The following GPR162 variants were observed in gnomAD, a reference collection of about 807,000 sequenced individuals.
GPR162 encodes probable G protein-coupled receptor 162.
Under a neutral mutation model 44.9 loss-of-function variants are expected in GPR162, and 26 were observed. The observed-to-expected ratio is 0.58, with a 90% CI of 0.42 to 0.80. The LOEUF (loss-of-function observed/expected upper bound fraction) is 0.80, where lower values mean the gene tolerates loss of function less well. Ranked by LOEUF, GPR162 falls within the 30% of genes least tolerant of loss-of-function variation. The pLI, the probability that GPR162 is intolerant of heterozygous loss-of-function variation, is 0.00. For missense variants in GPR162, 704 were observed against 802.3 expected (o/e 0.88, Z 1.48); for synonymous variants, 363 against 335.2 (o/e 1.08, Z -0.91).
At position 6,823,608 on chromosome 12, in the gene GPR162, A is replaced by C; in HGVS notation, c.-291A>C. 1 of 618,712 alleles carries C rather than the reference A, an allele frequency of 1.6e-6. No individual in the cohort carries two copies. The highest frequency in any genetic ancestry group is 1.8e-5 in the African/African-American group (1 of 54,244). 38.3% of individuals were successfully genotyped at this position (618,712 alleles called of 1,614,324 possible). On this transcript the variant is annotated 5_prime_UTR_variant, in exon 2 of 5. Transcript: ENST00000311268. ...CCCCAGCCAGCCTCATAGTTGGGAAAGTAGCCAGCTTGCCTGCCCCATCAA... is the reference window on the plus strand; with the variant it reads ...CCCCAGCCAGCCTCATAGTTGGGAACGTAGCCAGCTTGCCTGCCCCATCAA...
At chr12:6,825,240 C>A (rs1213496391) in intron 2 of GPR162, 2 of 582,438 alleles carry the variant, frequency 3.4e-6, no homozygotes, top group East Asian at 5.7e-5. Context: ...TCTACGGTTC[C>A]TGGTCCACCT....
Position 6,824,414 on chromosome 12 carries a change from C to T in GPR162, c.516C>T (p.Val172=). Residue 172 remains valine (V), a synonymous_variant, in exon 2 of 5, where the codon GTC becomes GTT. Coordinates refer to ENST00000311268, the MANE Select transcript of GPR162 (RefSeq NM_019858.2). The stretch of plus-strand genomic sequence containing the variant: ...ATGCCCGCGGCTGCCAGTTCATAGT[C>T]TCCAAGATCGGCCTCGGCTTTGGCG... ...RYYARGCQFI[V]SKIGLGFGVC... is the part of the protein sequence containing the mutation. 6.2e-7 allele frequency: 1 copy of T among 1,614,252 alleles called. No homozygotes were observed. Among genetic ancestry groups the T allele is most frequent in the Non-Finnish European group, 8.5e-7 (1 of 1,180,042 alleles).
rs1555120237 is a variant in GPR162 at position 6,826,809 on chromosome 12, C to T, written c.1372C>T (p.Gln458Ter). 6.2e-7 allele frequency: 1 copy of T among 1,610,242 alleles called. No homozygotes were observed. Among genetic ancestry groups the T allele is most frequent in the Non-Finnish European group, 8.5e-7 (1 of 1,178,130 alleles). The change falls in exon 5 of 5, where the codon CAA becomes TAA. Residue 458 changes from glutamine (Q) to a stop codon, truncating the protein, a stop_gained. Transcript: ENST00000311268. LOFTEE classifies it high-confidence loss of function. ...CGGGGGTCCTCCTGAGTACCTGGGA[C>T]AAAGACACAGGTTGGAGGACGAGGA... ...ALGGPPEYLG[Q>*]RHRLEDEEDE...
In GPR162 at chr12:6,822,817, CTT is replaced by C. The variant is rs1555119384; in HGVS notation, c.-431-649_-431-648del. On this transcript the variant is annotated intron_variant, in intron 1 of 4. Transcript: ENST00000311268. The surrounding 1 kb of genome is among the most constrained non-coding windows in gnomAD (Gnocchi z 4.2). The stretch of plus-strand genomic sequence containing the variant: ...TTCAGATACTACCACTTTGCCCCCT[CTT>C]TCTCTTCTGCTCAAACTCTCCTCCT... 6.6e-6 allele frequency among the ~76,000 whole-genome samples: 1 copy of C among 152,108 alleles called. No homozygotes were observed. Among genetic ancestry groups the C allele is most frequent in the Non-Finnish European group, 1.5e-5 (1 of 68,022 alleles).
Position 6,824,039 on chromosome 12 carries a change from A to T in GPR162, c.141A>T (p.Pro47=). 1.9e-6 allele frequency: 3 copies of T among 1,612,708 alleles called. No homozygotes were observed. The highest frequency in any genetic ancestry group is 2.5e-6 in the Non-Finnish European group (3 of 1,179,876). ...CGGCCAAGCAGCAGAAGCACAAGCC[A>T]CTGGAGCTGCTGCTCTGCTTCCTAG... ...SISAKQQKHK[P]LELLLCFLAG... Residue 47 remains proline (P), a synonymous_variant, in exon 2 of 5, where the codon CCA becomes CCT. Coordinates refer to ENST00000311268, the MANE Select transcript of GPR162 (RefSeq NM_019858.2).
Position 6,822,328 on chromosome 12 carries a change from A to G in GPR162, c.-432+428A>G, listed in dbSNP as rs1358732163. 2.6e-5 allele frequency among the ~76,000 whole-genome samples: 4 copies of G among 152,118 alleles called. No individual in the cohort carries two copies. The highest frequency in any genetic ancestry group is 4.4e-5 in the Non-Finnish European group (3 of 68,012). On this transcript the variant is annotated intron_variant, in intron 1 of 4. Coordinates refer to ENST00000311268, the MANE Select transcript of GPR162 (RefSeq NM_019858.2). The surrounding 1 kb of genome is among the most constrained non-coding windows in gnomAD (Gnocchi z 4.2). ...TCCCTCCACCTCCCTCTGGCTGGCC[A>G]TTGCCATGGCAACTAGGGTGTACTG...
At position 6,825,235 on chromosome 12, in the gene GPR162, G is replaced by C. The variant is rs1051897013; in HGVS notation, c.868-249G>C. The C allele has an allele frequency of 5.5e-5, 32 of 577,188 alleles. No individual in the cohort carries two copies. In the Admixed American group the frequency reaches 8.8e-4, roughly 16 times the overall value. 35.8% of individuals were successfully genotyped at this position (577,188 alleles called of 1,614,324 possible). On this transcript the variant is annotated intron_variant, in intron 2 of 4. Transcript: ENST00000311268. ...TTCCTGGGTTCCTGTCTGTCTCTAC[G>C]GTTCCTGGTCCACCTCTGTTCCTCT...
rs782604989 is a variant in GPR162 at position 6,824,285 on chromosome 12, C to T, written c.387C>T (p.Asn129=). ...VRWPVNYRLS[N]AKKQALHAVM... Reference sequence around the variant, plus strand: ...GGCCCGTCAACTACCGCCTCAGCAACGCCAAGAAGCAGGCACTGCATGCCG... The same window carrying T: ...GGCCCGTCAACTACCGCCTCAGCAATGCCAAGAAGCAGGCACTGCATGCCG... The change falls in exon 2 of 5, where the codon AAC becomes AAT. Residue 129 remains asparagine (N), a synonymous_variant. Coordinates refer to ENST00000311268, the MANE Select transcript of GPR162 (RefSeq NM_019858.2). The T allele has an allele frequency of 4.5e-5, 72 of 1,613,970 alleles. No homozygotes were observed. Among genetic ancestry groups the T allele is most frequent in the African/African-American group, 5.3e-5 (4 of 74,938 alleles).
rs374112356 is a variant in GPR162, at chr12:6,824,741, C to T, written c.843C>T (p.Asp281=). ...NLVSAIVFLY[D]SLTGVPILVV... ...TCAGCGCCATCGTCTTTCTCTATGA[C>T]TCACTCACAGGGGTGCCCATCTTGG... The change falls in exon 2 of 5, where the codon GAC becomes GAT. Residue 281 remains aspartate (D), a synonymous_variant. Transcript: ENST00000311268. The T allele has an allele frequency of 6.2e-7, 1 of 1,613,528 alleles. No homozygotes were observed. Among genetic ancestry groups the T allele is most frequent in the South Asian group, 1.1e-5 (1 of 91,084 alleles).
In GPR162 at chr12:6,823,564, C is replaced by T; in HGVS notation, c.-335C>T. The T allele has an allele frequency of 1.9e-6, 1 of 525,360 alleles. No homozygotes were observed. Among genetic ancestry groups the T allele is most frequent in the Non-Finnish European group, 3.4e-6 (1 of 295,914 alleles). 32.5% of individuals were successfully genotyped at this position (525,360 alleles called of 1,614,324 possible). ...AGAGGCAAAAGAGACCTGGAAGTCCCAGCATGGGGACCAGAACCCCCCAGC... is the reference window on the plus strand; with the variant it reads ...AGAGGCAAAAGAGACCTGGAAGTCCTAGCATGGGGACCAGAACCCCCCAGC... On this transcript the variant is annotated 5_prime_UTR_variant, in exon 2 of 5. Coordinates refer to ENST00000311268, the MANE Select transcript of GPR162 (RefSeq NM_019858.2).
intron 3 of GPR162, among the ~76,000 whole-genome samples, chr12:6,825,939 C>A (rs571327232): frequency 2.0e-5 from 3 of 152,252 alleles, no homozygotes; most frequent in African/African-American, 7.2e-5. Context: ...CTGAGCTTCC[C>A]GAGAGAGGCC....
In GPR162 at chr12:6,824,781, T is replaced by C; in HGVS notation, c.867+16T>C. The C allele has an allele frequency of 1.2e-6, 2 of 1,603,118 alleles. No homozygotes were observed. Among genetic ancestry groups the C allele is most frequent in the Non-Finnish European group, 1.7e-6 (2 of 1,174,400 alleles). On this transcript the variant is annotated intron_variant, in intron 2 of 4. Coordinates refer to ENST00000311268, the MANE Select transcript of GPR162 (RefSeq NM_019858.2). The stretch of plus-strand genomic sequence containing the variant: ...GCCCATCTTGGTGAGATCGGGGTCC[T>C]CCCCACCTGTTCTCCCCAATATCCA...
At chr12:6,824,809 C>T (rs1943330396) in intron 2 of GPR162, 44 bp downstream of exon 2, 2 of 1,511,754 alleles carry the variant, frequency 1.3e-6, no homozygotes, top group Middle Eastern at 1.7e-4. Flanking sequence ...AATATCCAGG[C>T]CCCAGCATCA....
intron 3 of GPR162, 62 bp from the exon 4 acceptor site, chr12:6,826,134 G>A: frequency 7.5e-7 from 1 of 1,333,140 alleles, no homozygotes; most frequent in Non-Finnish European, 1.1e-6. Flanking sequence ...TATAAAGGCA[G>A]TGGTGGGAGG....
chr12:6,824,162 T>C lies in GPR162; in HGVS notation c.264T>C (p.Ser88=), dbSNP rs1431148088. The change falls in exon 2 of 5, where the codon AGT becomes AGC. Residue 88 remains serine (S), a synonymous_variant. Transcript: ENST00000311268. ...QASSDYDWNE[S]ICKVFVSTYY... ...CCTCCGACTATGACTGGAACGAGAG[T>C]ATCTGCAAGGTCTTCGTGTCCACCT... The C allele has an allele frequency of 1.2e-5, 20 of 1,613,512 alleles. No homozygotes were observed. The highest frequency in any genetic ancestry group is 1.7e-5 in the Non-Finnish European group (20 of 1,179,954).
chr12:6,825,978 AG>A (rs1254749939), intron 3 of GPR162, among the ~76,000 whole-genome samples: 30 of 152,028 alleles, frequency 2.0e-4, no homozygotes, highest in African/African-American at 7.0e-4. Context: ...CTCTTGGGGG[AG>A]TGCAGGCAAT....
intron 2 of GPR162, 93 bp from the exon 3 acceptor site, chr12:6,825,391 C>T: frequency 1.4e-6 from 1 of 735,538 alleles, no homozygotes; most frequent in Non-Finnish European, 2.3e-6. Context: ...GGCATTACTT[C>T]TGACGTCTTG....
Position 6,822,399 on chromosome 12 carries a change from G to C in GPR162, c.-432+499G>C, listed in dbSNP as rs928579522. On this transcript the variant is annotated intron_variant, in intron 1 of 4. Transcript: ENST00000311268. The surrounding 1 kb of genome is among the most constrained non-coding windows in gnomAD (Gnocchi z 4.2). ...GGTGGGGGTGGACCAGGACCTCTTG[G>C]GGAAAGCAAGGGTCTGAGCTGCTTC... Among the ~76,000 whole-genome samples the C allele has an allele frequency of 1.2e-3, 188 of 152,266 alleles. 2 individuals carry two copies. The highest frequency in any genetic ancestry group is 1.7e-3 in the Non-Finnish European group (119 of 68,002).
intron 2 of GPR162, 36 bp from the exon 3 acceptor site, chr12:6,825,448 C>T: frequency 6.9e-7 from 1 of 1,451,370 alleles, no homozygotes; most frequent in Non-Finnish European, 9.5e-7. Flanking sequence ...CTCCTCAGCT[C>T]TGGCCCTGAC....
Sources: gnomAD v4.1 joint callset for allele counts (sites outside exome capture counted in the v4.1 genomes callset) on GRCh38, gnomAD v4.1.1 for gene constraint, Gnocchi (gnomAD v3.1) non-coding constraint, MANE v1.5 for transcripts, NCBI Gene and HGNC (gene_info 2026-07-23, HGNC 2026-07-21) for gene names.